Variants in APBA1 observed in about 807,000 individuals in gnomAD.
APBA1 encodes amyloid-beta A4 precursor protein-binding family A member 1.
In APBA1, 55 loss-of-function variants were observed where a neutral mutation model predicts 86.6. The ratio of observed to expected loss-of-function variants is 0.64; its 90% CI spans 0.51 to 0.80. The LOEUF is 0.80. Among genes scored for constraint, APBA1 ranks in the 30% least tolerant of loss-of-function variants. APBA1 has a pLI of 0.00. For missense variants in APBA1, 1,090 were observed against 1,183.0 expected, an observed-to-expected ratio of 0.92 and a Z score of 1.15; for synonymous variants, 511 against 493.9, an observed-to-expected ratio of 1.03 and a Z score of -0.46.
chr9:69,652,010 T>C (rs1226300973), intron 1 of APBA1, among the ~76,000 whole-genome samples: 1 of 152,148 alleles, frequency 6.6e-6, no homozygotes, highest in African/African-American at 2.4e-5. Context: ...TGACTGGTGT[T>C]CTTTTTAGAA....
At chr9:69,598,357 G>A (rs1281754151) in intron 1 of APBA1, among the ~76,000 whole-genome samples, 4 of 151,856 alleles carry the variant, frequency 2.6e-5, no homozygotes, top group Non-Finnish European at 4.4e-5. Flanking sequence ...TGGGTGCAGC[G>A]CACCAGCATG....
rs1031851576 is a variant in APBA1 at position 69,427,951 on chromosome 9, T to C, written c.*3376A>G. On this transcript the variant is annotated 3_prime_UTR_variant, in exon 13 of 13. Coordinates refer to ENST00000265381, the MANE Select transcript of APBA1 (RefSeq NM_001163.4). ...GCTAAGTATGTACAAGAAATGTCATTCCCACACAGTCCTCACACACTGCCT... is the reference window on the plus strand; with the variant it reads ...GCTAAGTATGTACAAGAAATGTCATCCCCACACAGTCCTCACACACTGCCT... 6.6e-6 allele frequency: 1 copy of C among 152,190 alleles called. No homozygotes were observed. Among genetic ancestry groups the C allele is most frequent in the Non-Finnish European group, 1.5e-5 (1 of 68,040 alleles). The allele number at this position is 152,190 out of a possible 1,614,324, so 9.4% of individuals were successfully genotyped here. A position where few individuals can be genotyped will look rare whatever the true frequency, so the allele number is the denominator to read the frequency against.
At chr9:69,542,247 A>G (rs926658291) in intron 1 of APBA1, among the ~76,000 whole-genome samples, 2 of 152,192 alleles carry the variant, frequency 1.3e-5, no homozygotes, top group Admixed American at 1.3e-4. Context: ...GTTGCAGTCA[A>G]TGAACCAAGA....
intron 1 of APBA1, among the ~76,000 whole-genome samples, chr9:69,533,081 A>C (rs1836457393): frequency 1.3e-5 from 2 of 152,224 alleles, no homozygotes; most frequent in Non-Finnish European, 2.9e-5. Flanking sequence ...TATGATACAC[A>C]AAGAAGGTGA....
At chr9:69,496,600 T>C (rs1339058530) in intron 2 of APBA1, among the ~76,000 whole-genome samples, 1 of 152,096 alleles carries the variant, frequency 6.6e-6, no homozygotes, top group African/African-American at 2.4e-5. Flanking sequence ...GCACCTACTC[T>C]AATCCGAATC....
At chr9:69,656,968 C>T (rs926454006) in intron 1 of APBA1, among the ~76,000 whole-genome samples, 6 of 151,988 alleles carry the variant, frequency 3.9e-5, no homozygotes, top group Non-Finnish European at 5.9e-5. Flanking sequence ...GCCTCAGCCT[C>T]CCGAGTAGCT....
At chr9:69,486,367 C>A (rs1835609986) in intron 2 of APBA1, among the ~76,000 whole-genome samples, 2 of 152,090 alleles carry the variant, frequency 1.3e-5, no homozygotes, top group Admixed American at 6.5e-5. Context: ...GGAAGAGAAG[C>A]ACCACCACAA....
At chr9:69,581,517 C>T (rs952674595) in intron 1 of APBA1, among the ~76,000 whole-genome samples, 3 of 152,194 alleles carry the variant, frequency 2.0e-5, no homozygotes, top group Non-Finnish European at 2.9e-5. Context: ...GTGAATCATT[C>T]ACACTTCAAG....
intron 1 of APBA1, among the ~76,000 whole-genome samples, chr9:69,611,303 A>AC (rs1491062576): frequency 6.8e-6 from 1 of 146,704 alleles, no homozygotes; most frequent in African/African-American, 2.6e-5. Flanking sequence ...AAAAAAAAAA[A>AC]ACAAAAAAAA....
At chr9:69,635,936 T>C (rs755404728) in intron 1 of APBA1, among the ~76,000 whole-genome samples, 9 of 152,140 alleles carry the variant, frequency 5.9e-5, no homozygotes, top group Non-Finnish European at 1.3e-4. Context: ...AAAAAGCTTC[T>C]GTACAGCAAA....
At chr9:69,439,265 C>G (rs1834763033) in intron 11 of APBA1, among the ~76,000 whole-genome samples, 2 of 136,874 alleles carry the variant, frequency 1.5e-5, no homozygotes, top group Admixed American at 1.5e-4. Context: ...TCTTGGAGTT[C>G]TCTTCTCGAG....
intron 1 of APBA1, among the ~76,000 whole-genome samples, chr9:69,575,597 GA>G (rs1278994760): frequency 6.6e-6 from 1 of 152,116 alleles, no homozygotes; most frequent in Non-Finnish European, 1.5e-5. Flanking sequence ...ACAAAAACAA[GA>G]AATAGGGAAA....
At position 69,541,262 on chromosome 9, in the gene APBA1, C is replaced by T. The variant is rs1049707201; in HGVS notation, c.-69-23983G>A. On this transcript the variant is annotated intron_variant, in intron 1 of 12. Transcript: ENST00000265381. Reference sequence around the variant, plus strand: ...TAATTGTTTTAGGGACCCCCCCCCCCATTCTGTTTTCTATATCAGCCGAAC... The same window carrying T: ...TAATTGTTTTAGGGACCCCCCCCCCTATTCTGTTTTCTATATCAGCCGAAC... Among the ~76,000 whole-genome samples, 3 of 145,478 alleles carry T rather than the reference C, an allele frequency of 2.1e-5. No individual in the cohort carries two copies. The East Asian group carries it at 6.6e-4, about 32-fold the overall frequency.
intron 1 of APBA1, among the ~76,000 whole-genome samples, chr9:69,631,814 C>A (rs1381400071): frequency 1.3e-5 from 2 of 152,150 alleles, no homozygotes; most frequent in Non-Finnish European, 2.9e-5. Flanking sequence ...GGACAGAAAA[C>A]CAAATGCCGC....
At chr9:69,554,812 G>A (rs972338796) in intron 1 of APBA1, among the ~76,000 whole-genome samples, 1 of 152,020 alleles carries the variant, frequency 6.6e-6, no homozygotes, top group African/African-American at 2.4e-5. Context: ...CACACATGGT[G>A]ATGTCCTCAG....
chr9:69,516,798 G>A lies in APBA1; in HGVS notation c.413C>T (p.Ala138Val), dbSNP rs1425436647. ...EYTEQAEAEH[A>V]EATHRRALPN... ...CAGCGCGCGGCGGTGCGTGGCCTCG[G>A]CGTGCTCGGCCTCTGCCTGCTCCGT... The change falls in exon 2 of 13, where the codon GCC becomes GTC. Residue 138 changes from alanine (A) to valine (V), a missense_variant. Ala to Val is a moderately conservative substitution (Grantham distance 64). This residue lies in a region of APBA1 where 678 missense variants were observed against 647.1 expected (regional missense o/e 1.05). Coordinates refer to ENST00000265381, the MANE Select transcript of APBA1 (RefSeq NM_001163.4). The surrounding 1 kb of genome is among the most constrained non-coding windows in gnomAD (Gnocchi z 7.3). The A allele has an allele frequency of 6.2e-7, 1 of 1,609,312 alleles. No homozygotes were observed. The highest frequency in any genetic ancestry group is 1.7e-4 in the Middle Eastern group (1 of 6,058).
At chr9:69,496,963 AC>A (rs142940938) in intron 2 of APBA1, among the ~76,000 whole-genome samples, 22,716 of 151,910 alleles carry the variant, frequency 0.15, 2,290 homozygotes, top group East Asian at 0.28. Flanking sequence ...TTCAGTTATT[AC>A]TCAGAAATGA....
intron 1 of APBA1, among the ~76,000 whole-genome samples, chr9:69,611,351 A>C (rs1168082619): frequency 6.6e-6 from 1 of 151,718 alleles, no homozygotes; most frequent in East Asian, 1.9e-4. Context: ...GCTCACACTG[A>C]CTAGTCAGGC....
At chr9:69,652,071 G>T (rs1386445498) in intron 1 of APBA1, among the ~76,000 whole-genome samples, 1 of 152,214 alleles carries the variant, frequency 6.6e-6, no homozygotes, top group Non-Finnish European at 1.5e-5. Context: ...TGAGGACACA[G>T]CAAGAGGGCA....
Sources: allele counts gnomAD v4.1 joint callset (sites outside exome capture counted in the v4.1 genomes callset), GRCh38; gene constraint gnomAD v4.1.1; regional missense constraint gnomAD v4.1.1; non-coding constraint Gnocchi (gnomAD v3.1); transcripts MANE v1.5; gene names NCBI Gene and HGNC (gene_info 2026-07-23, HGNC 2026-07-21).